Variants in MEGF9 observed in about 807,000 individuals in gnomAD.
MEGF9 encodes multiple epidermal growth factor-like domains protein 9.
MEGF9 carries 6 observed loss-of-function variants against 46.8 expected under a neutral mutation model. The observed-to-expected ratio is 0.13, with a 90% CI of 0.07 to 0.25. The LOEUF (loss-of-function observed/expected upper bound fraction) is 0.25. Ranked by LOEUF, MEGF9 falls within the 10% of genes least tolerant of loss-of-function variation. MEGF9 has a pLI of 1.00. For missense variants in MEGF9, 683 were observed against 792.4 expected (o/e 0.86, Z 1.66); for synonymous variants, 302 against 330.7 (o/e 0.91, Z 0.94).
intron 1 of MEGF9, among the ~76,000 whole-genome samples, chr9:120,683,371 C>T (rs1442559349): frequency 1.3e-5 from 2 of 152,178 alleles, no homozygotes; most frequent in East Asian, 3.8e-4. Flanking sequence ...AAATTGTAAT[C>T]CTCATAATCT....
intron 2 of MEGF9, among the ~76,000 whole-genome samples, chr9:120,638,426 C>T (rs2043588370): frequency 6.6e-6 from 1 of 152,164 alleles, no homozygotes; most frequent in Admixed American, 6.5e-5. Context: ...GATCAGCAAA[C>T]AAAAACCTGC....
At chr9:120,667,650 G>A (rs528531715) in intron 1 of MEGF9, among the ~76,000 whole-genome samples, 4 of 152,116 alleles carry the variant, frequency 2.6e-5, no homozygotes, top group African/African-American at 4.8e-5. Context: ...TTTCTGAATT[G>A]AAAAGGAAAA....
chr9:120,650,998 G>T (rs2132318039), intron 2 of MEGF9, among the ~76,000 whole-genome samples: 1 of 152,130 alleles, frequency 6.6e-6, no homozygotes, highest in East Asian at 1.9e-4. Context: ...AAACTATTTT[G>T]TATTGTATGT....
intron 2 of MEGF9, among the ~76,000 whole-genome samples, chr9:120,655,407 C>T (rs1243485254): frequency 6.6e-6 from 1 of 152,202 alleles, no homozygotes; most frequent in Non-Finnish European, 1.5e-5. Context: ...ACTATATAGT[C>T]TAGGTATACA....
intron 2 of MEGF9, among the ~76,000 whole-genome samples, chr9:120,652,221 C>G (rs930627513): frequency 9.5e-5 from 12 of 126,156 alleles, no homozygotes; most frequent in African/African-American, 3.5e-4. Context: ...CATGGTGGCT[C>G]CTGCCTGCAA....
intron 2 of MEGF9, among the ~76,000 whole-genome samples, chr9:120,632,421 C>G (rs907378882): frequency 1.3e-5 from 2 of 148,732 alleles, no homozygotes; most frequent in African/African-American, 5.0e-5. Flanking sequence ...TGTGTAAAAA[C>G]AGCACTGATT....
At chr9:120,686,117 T>C (rs1341698025) in intron 1 of MEGF9, among the ~76,000 whole-genome samples, 1 of 137,756 alleles carries the variant, frequency 7.3e-6, no homozygotes, top group African/African-American at 2.8e-5. Flanking sequence ...TGAGATGGAG[T>C]CTTGCTCTGT....
intron 1 of MEGF9, among the ~76,000 whole-genome samples, chr9:120,687,782 T>TAAAAAAAAAAAAAAAA (rs74313276): frequency 1.2e-5 from 1 of 80,876 alleles, no homozygotes; most frequent in South Asian, 3.8e-4. Flanking sequence ...GAAAAAGAGA[T>TAAAAAAAAAAAAAAAA]AAAAAAAAAA....
In MEGF9 at chr9:120,605,699, CAATA is replaced by C. The variant is rs2043417667; in HGVS notation, c.1358-62_1358-59del. 5 of 1,296,862 alleles carry C rather than the reference CAATA, an allele frequency of 3.9e-6. No homozygotes were observed. In the Admixed American group the frequency reaches 1.3e-4, roughly 33 times the overall value. The allele number at this position is 1,296,862 out of a possible 1,614,324, so 80.3% of individuals were successfully genotyped here. On this transcript the variant is annotated intron_variant, in intron 5 of 5. Coordinates refer to ENST00000373930, the MANE Select transcript of MEGF9 (RefSeq NM_001080497.3). This position sits in a 1 kb window ranked among gnomAD's most constrained non-coding sequence, Gnocchi z 4.0. ...GACAAAATTATCTAGTTTTGAGAAA[CAATA>C]AAAGAAATACGCATGGGAGTGAATG...
chr9:120,703,072 T>C (rs1448172062), intron 1 of MEGF9, among the ~76,000 whole-genome samples: 3 of 152,158 alleles, frequency 2.0e-5, no homozygotes, highest in African/African-American at 4.8e-5. Context: ...CAAGGGAAAA[T>C]GTTACAAACA....
At chr9:120,681,671 A>G (rs1033169800) in intron 1 of MEGF9, among the ~76,000 whole-genome samples, 11 of 152,080 alleles carry the variant, frequency 7.2e-5, no homozygotes, top group Non-Finnish European at 8.8e-5. Flanking sequence ...AAGGCTTAAG[A>G]GTATTCTATC....
rs115584562 is a variant in MEGF9 at position 120,603,852 on chromosome 9, T to A, written c.*1338A>T. On this transcript the variant is annotated 3_prime_UTR_variant, in exon 6 of 6. Coordinates refer to ENST00000373930, the MANE Select transcript of MEGF9 (RefSeq NM_001080497.3). ...TGGCACATACCTCATGGCAAATGAG[T>A]GACAGGCTATGTTCACATGTAGGAG... 6.6e-6 allele frequency: 1 copy of A among 152,524 alleles called. No individual in the cohort carries two copies. Among genetic ancestry groups the A allele is most frequent in the Non-Finnish European group, 1.5e-5 (1 of 68,022 alleles). 9.4% of individuals were successfully genotyped at this position (152,524 alleles called of 1,614,324 possible). A position where few individuals can be genotyped will look rare whatever the true frequency, so the allele number is the denominator to read the frequency against.
In MEGF9 at chr9:120,669,868, CAATAAATGCTCTAA is replaced by C. The variant is rs2043740884; in HGVS notation, c.602-10307_602-10294del. 3.9e-5 allele frequency among the ~76,000 whole-genome samples: 6 copies of C among 152,118 alleles called. 1 individual carries two copies. In the South Asian group the frequency reaches 1.2e-3, roughly 32 times the overall value. On this transcript the variant is annotated intron_variant, in intron 1 of 5. Coordinates refer to ENST00000373930, the MANE Select transcript of MEGF9 (RefSeq NM_001080497.3). ...AATTGATATCAGAAACGAGATATGACAATAAATGCTCTAAAATAAGGGATTGGGGAAGATTAGGA... is the reference window on the plus strand; with the variant it reads ...AATTGATATCAGAAACGAGATATGACAATAAGGGATTGGGGAAGATTAGGA...
chr9:120,605,576 C>G lies in MEGF9; in HGVS notation c.1423G>C (p.Val475Leu). 6.2e-7 allele frequency: 1 copy of G among 1,605,864 alleles called. No homozygotes were observed. The part of the protein sequence containing the change: ...LVSNASLTTS[V>L]PTPVINSTFT... ...GTACTATTTATAACAGGGGTGGGCA[C>G]TGATGTGGTCAAAGAGGCATTGGAA... Residue 475 changes from valine to leucine, a missense_variant, in exon 6 of 6, where the codon GTG (valine) becomes CTG (leucine). Around this residue, in one of 2 missense-constraint regions of MEGF9, gnomAD observed 313 missense variants for 421.1 expected, o/e 0.74. Coordinates refer to ENST00000373930, the MANE Select transcript of MEGF9 (RefSeq NM_001080497.3). The surrounding 1 kb of genome is among the most constrained non-coding windows in gnomAD (Gnocchi z 4.0).
intron 1 of MEGF9, among the ~76,000 whole-genome samples, chr9:120,672,151 A>G (rs974207865): frequency 2.3e-4 from 35 of 152,244 alleles, no homozygotes; most frequent in Admixed American, 2.1e-3. Context: ...ATTATACTTC[A>G]TAGTGAGAGA....
At position 120,659,467 on chromosome 9, in the gene MEGF9, G is replaced by A. The variant is rs771173560; in HGVS notation, c.710C>T (p.Thr237Ile). The change falls in exon 2 of 6, where the codon ACC (threonine) becomes ATC (isoleucine). Residue 237 changes from threonine (T) to isoleucine (I), a missense_variant. Around this residue, in one of 2 missense-constraint regions of MEGF9, gnomAD observed 370 missense variants for 371.3 expected, o/e 1.00. Coordinates refer to ENST00000373930, the MANE Select transcript of MEGF9 (RefSeq NM_001080497.3). Reference sequence around the variant, plus strand: ...ATTTAGGTAAAAGCCCTCTTTGCAGGTTTCACAGTGAAGCCCCTGATAACC... The same window carrying A: ...ATTTAGGTAAAAGCCCTCTTTGCAGATTTCACAGTGAAGCCCCTGATAACC... ...RPGYQGLHCE[T>I]CKEGFYLNYT... 7.4e-6 allele frequency: 12 copies of A among 1,613,766 alleles called. No individual in the cohort carries two copies. In the East Asian group the frequency reaches 2.5e-4, roughly 33 times the overall value.
At chr9:120,637,187 T>C (rs957198631) in intron 2 of MEGF9, among the ~76,000 whole-genome samples, 2 of 151,906 alleles carry the variant, frequency 1.3e-5, no homozygotes, top group Non-Finnish European at 2.9e-5. Flanking sequence ...TTAAGGGTGG[T>C]GCAAGATGTG....
intron 3 of MEGF9, among the ~76,000 whole-genome samples, chr9:120,621,037 G>A (rs893040586): frequency 6.6e-6 from 1 of 151,754 alleles, no homozygotes; most frequent in African/African-American, 2.4e-5. Context: ...TGTTTGTTTG[G>A]GAAAAAAAAT....
intron 3 of MEGF9, among the ~76,000 whole-genome samples, chr9:120,615,256 A>T (rs555751906): frequency 6.7e-6 from 1 of 148,944 alleles, no homozygotes; most frequent in Admixed American, 6.6e-5. Flanking sequence ...AATAATAATA[A>T]ATAAATACAT....
Sources: gnomAD v4.1 joint callset for allele counts (sites outside exome capture counted in the v4.1 genomes callset) on GRCh38, gnomAD v4.1.1 for gene constraint, gnomAD v4.1.1 regional missense constraint, Gnocchi (gnomAD v3.1) non-coding constraint, MANE v1.5 for transcripts, NCBI Gene and HGNC (gene_info 2026-07-23, HGNC 2026-07-21) for gene names.